Variants in RARB observed in about 807,000 individuals in gnomAD.
The protein encoded by RARB is HBV-activated protein.
RARB carries 17 observed loss-of-function variants against 51.9 expected under a neutral mutation model. That is an observed-to-expected ratio of 0.33 (90% CI 0.22 to 0.49). The LOEUF is 0.49. Ranked by LOEUF, RARB falls within the 20% of genes least tolerant of loss-of-function variation. The pLI is 0.99. For missense variants in RARB, 369 were observed against 550.8 expected (o/e 0.67, Z 3.30); for synonymous variants, 215 against 195.4 (o/e 1.10, Z -0.84).
chr3:24,844,552 A>G, intron 1 of RARB, among the ~76,000 whole-genome samples: 1 of 152,352 alleles, frequency 6.6e-6, no homozygotes, highest in East Asian at 1.9e-4. Context: ...ACCCAGAGAA[A>G]GATGAAATTG....
At chr3:25,559,208 A>C (rs1220248724) in intron 3 of RARB, among the ~76,000 whole-genome samples, 1 of 152,176 alleles carries the variant, frequency 6.6e-6, no homozygotes. Flanking sequence ...AGCCTCTCTA[A>C]GCCCCATTCA....
At chr3:24,870,633 T>A (rs1353076088) in intron 2 of RARB, among the ~76,000 whole-genome samples, 1 of 152,130 alleles carries the variant, frequency 6.6e-6, no homozygotes, top group African/African-American at 2.4e-5. Context: ...ATTTTGGGGA[T>A]CATATTATCT....
At chr3:24,984,001 C>T (rs1358508299) in intron 2 of RARB, among the ~76,000 whole-genome samples, 1 of 152,144 alleles carries the variant, frequency 6.6e-6, no homozygotes, top group Non-Finnish European at 1.5e-5. Flanking sequence ...ATGATTCTTA[C>T]TAATTCTAAT....
chr3:24,967,368 T>C (rs1289064191), intron 2 of RARB, among the ~76,000 whole-genome samples: 1 of 152,138 alleles, frequency 6.6e-6, no homozygotes, highest in Non-Finnish European at 1.5e-5. Context: ...AAGCCTCTGT[T>C]TCCCTTAGCG....
intron 5 of RARB, among the ~76,000 whole-genome samples, chr3:25,240,246 C>G (rs1575247051): frequency 2.0e-5 from 3 of 152,024 alleles, no homozygotes; most frequent in Admixed American, 2.0e-4. Context: ...TTAGGTTTTT[C>G]TAGATATAAG....
chr3:25,078,429 A>G (rs573189080), intron 3 of RARB, among the ~76,000 whole-genome samples: 6 of 151,912 alleles, frequency 3.9e-5, no homozygotes, highest in African/African-American at 9.7e-5. Flanking sequence ...GTGTGGTTCT[A>G]TTTTTTAATT....
intron 1 of RARB, among the ~76,000 whole-genome samples, chr3:25,439,045 T>G (rs1708549364): frequency 6.6e-6 from 1 of 152,210 alleles, no homozygotes; most frequent in African/African-American, 2.4e-5. Context: ...TGGTATTTAC[T>G]GAAGAGTCAC....
intron 5 of RARB, among the ~76,000 whole-genome samples, chr3:25,261,158 TAATG>T (rs1286885823): frequency 6.6e-6 from 1 of 152,160 alleles, no homozygotes; most frequent in Non-Finnish European, 1.5e-5. Flanking sequence ...ATTTAGCACA[TAATG>T]AATACTCAAG....
chr3:25,099,206 T>C (rs1009561604), intron 3 of RARB, among the ~76,000 whole-genome samples: 14 of 152,318 alleles, frequency 9.2e-5, no homozygotes, highest in Non-Finnish European at 1.3e-4. Context: ...GCAGTTCGTT[T>C]GTCTGACATC....
intron 5 of RARB, among the ~76,000 whole-genome samples, chr3:25,235,042 T>C (rs1481752503): frequency 6.6e-6 from 1 of 152,196 alleles, no homozygotes; most frequent in African/African-American, 2.4e-5. Flanking sequence ...TTTGGATCTC[T>C]GGCCAGAAAT....
Position 25,009,858 on chromosome 3 carries a change from A to AGG in RARB, c.-379-50264_-379-50263dup, listed in dbSNP as rs555809269. On this transcript the variant is annotated intron_variant, in intron 2 of 11. Coordinates refer to the RARB transcript ENST00000383772. ...TGTCAGGTTTAGGGGAAGCAGTGGA[A>AGG]GGGGAGACAAGCAGGAAGGAAGGGA... 3.1e-3 allele frequency among the ~76,000 whole-genome samples: 465 copies of AGG among 152,152 alleles called. 1 individual carries two copies. Among genetic ancestry groups the AGG allele is most frequent in the Non-Finnish European group, 4.4e-3 (297 of 68,004 alleles).
chr3:25,039,146 G>T (rs999144091), intron 2 of RARB, among the ~76,000 whole-genome samples: 4 of 152,130 alleles, frequency 2.6e-5, no homozygotes, highest in Non-Finnish European at 5.9e-5. Context: ...AAATAAAGCT[G>T]TGCTAATGTG....
In RARB at chr3:25,407,444, C is replaced by A. The variant is rs574906974; in HGVS notation, c.179-53749C>A. 3.3e-5 allele frequency among the ~76,000 whole-genome samples: 5 copies of A among 152,284 alleles called. No homozygotes were observed. The South Asian group carries it at 6.2e-4, about 19-fold the overall frequency. On this transcript the variant is annotated intron_variant, in intron 5 of 11. Transcript: ENST00000383772. ...ACACTTCACATTTACAAGAGACCTG[C>A]TTAAATATGGTAGGTTCTCAATTAA... is the stretch of plus-strand genomic sequence containing the variant.
intron 4 of RARB, among the ~76,000 whole-genome samples, chr3:25,143,715 C>T (rs1158664698): frequency 2.0e-5 from 3 of 152,178 alleles, no homozygotes; most frequent in African/African-American, 4.8e-5. Context: ...GATGAGTATG[C>T]GTACTTTGGA....
At chr3:25,143,621 C>G (rs1032558677) in intron 4 of RARB, among the ~76,000 whole-genome samples, 2 of 152,154 alleles carry the variant, frequency 1.3e-5, no homozygotes, top group African/African-American at 4.8e-5. Flanking sequence ...CTCTGTAGGT[C>G]TTTACATCTC....
At chr3:25,404,198 C>T (rs1575376223) in intron 5 of RARB, among the ~76,000 whole-genome samples, 1 of 152,170 alleles carries the variant, frequency 6.6e-6, no homozygotes, top group Non-Finnish European at 1.5e-5. Flanking sequence ...CTCTTTGTTA[C>T]TTCATTCTTT....
In RARB at chr3:25,061,487, C is replaced by A. The variant is rs536177876; in HGVS notation, c.-328+1311C>A. On this transcript the variant is annotated intron_variant, in intron 3 of 11. Transcript: ENST00000383772. The stretch of plus-strand genomic sequence containing the variant: ...TTGCTTTTTTCTAATTGATTTTGAA[C>A]TTAATGTATTTTTTATGACTTTGTA... Among the ~76,000 whole-genome samples, 9 of 151,828 alleles carry A rather than the reference C, an allele frequency of 5.9e-5. 1 individual carries two copies. The South Asian group carries it at 6.2e-4, about 10-fold the overall frequency.
At chr3:25,531,406 AGATAGATAGATAGAT>A (rs1698911163) in intron 3 of RARB, among the ~76,000 whole-genome samples, 1 of 151,238 alleles carries the variant, frequency 6.6e-6, no homozygotes, top group African/African-American at 2.4e-5. Context: ...ATAGATAGAT[AGATAGATAGATAGAT>A]AGAAGATAGA....
At chr3:25,255,596 G>A (rs962735560) in intron 5 of RARB, among the ~76,000 whole-genome samples, 15 of 152,102 alleles carry the variant, frequency 9.9e-5, no homozygotes, top group East Asian at 3.9e-4. Context: ...ACAAGAGTCA[G>A]TACTTGCCGT....
Sources: allele counts gnomAD v4.1 joint callset (sites outside exome capture counted in the v4.1 genomes callset), GRCh38; gene constraint gnomAD v4.1.1; transcripts MANE v1.5; gene names NCBI Gene and HGNC (gene_info 2026-07-23, HGNC 2026-07-21).